The following PKN2 variants were observed in gnomAD, a reference collection of about 807,000 sequenced individuals.
PKN2 encodes protein kinase N2.
A neutral mutation model predicts 119.1 loss-of-function variants in PKN2; 38 were observed. The ratio of observed to expected loss-of-function variants is 0.32; its 90% CI spans 0.25 to 0.42. The LOEUF (loss-of-function observed/expected upper bound fraction) is 0.42, where lower values mean the gene tolerates loss of function less well. Ranked by LOEUF, PKN2 falls within the 10% of genes least tolerant of loss-of-function variation. The probability of loss-of-function intolerance (pLI) is 1.00; values close to 1 mark genes in which losing one functional copy is unlikely to be tolerated. For synonymous variants in PKN2, 390 were observed against 384.9 expected (o/e 1.01, Z -0.15); for missense variants, 850 against 1,165.1 (o/e 0.73, Z 3.94).
At chr1:88,717,955 A>G (rs548894021) in intron 1 of PKN2, among the ~76,000 whole-genome samples, 2 of 152,012 alleles carry the variant, frequency 1.3e-5, no homozygotes, top group Non-Finnish European at 2.9e-5. Flanking sequence ...GTCTTTGATG[A>G]TGGTGACCTA....
intron 1 of PKN2, among the ~76,000 whole-genome samples, chr1:88,739,224 G>C (rs1319843300): frequency 6.6e-6 from 1 of 151,988 alleles, no homozygotes. Context: ...TGTAAACCCA[G>C]CACTTTGGGA....
Position 88,833,077 on chromosome 1 carries a change from C to A in PKN2, c.2671C>A (p.Leu891Met). Residue 891 changes from leucine to methionine, a missense_variant and splice_region_variant, in exon 21 of 22, where the codon CTG (leucine) becomes ATG (methionine). Physicochemically the swap from Leu to Met is conservative, Grantham distance 15. Coordinates refer to ENST00000370521, the MANE Select transcript of PKN2 (RefSeq NM_006256.4). ...ACTTTTTTATTTTACATTATGCTAGCTGTTAAGAAGAAATCCTGAACGGCG... is the reference window on the plus strand; with the variant it reads ...ACTTTTTTATTTTACATTATGCTAGATGTTAAGAAGAAATCCTGAACGGCG... ...STEAISIMRRLLRRNPERRLG... is the reference protein window; with the variant it reads ...STEAISIMRRMLRRNPERRLG... 3.1e-6 allele frequency: 5 copies of A among 1,607,920 alleles called. No homozygotes were observed. The highest frequency in any genetic ancestry group is 4.2e-6 in the Non-Finnish European group (5 of 1,176,668).
intron 3 of PKN2, among the ~76,000 whole-genome samples, chr1:88,763,493 G>A (rs577421601): frequency 7.3e-5 from 11 of 151,702 alleles, no homozygotes; most frequent in Admixed American, 7.2e-4. Flanking sequence ...TGTAATCCCA[G>A]CTACTTGGGA....
At chr1:88,717,886 A>C (rs1667519830) in intron 1 of PKN2, among the ~76,000 whole-genome samples, 1 of 152,130 alleles carries the variant, frequency 6.6e-6, no homozygotes, top group Non-Finnish European at 1.5e-5. Flanking sequence ...TCTGGTTTTT[A>C]GAATTTTCAG....
chr1:88,733,024 G>A (rs779087385), intron 1 of PKN2, among the ~76,000 whole-genome samples: 5 of 152,100 alleles, frequency 3.3e-5, no homozygotes, highest in Non-Finnish European at 7.4e-5. Flanking sequence ...GGGTAGGGAA[G>A]GATGGGTTAA....
chr1:88,783,039 C>G (rs910241323), intron 6 of PKN2, among the ~76,000 whole-genome samples: 3 of 152,182 alleles, frequency 2.0e-5, no homozygotes, highest in Non-Finnish European at 4.4e-5. Flanking sequence ...CAAGACTCTT[C>G]TGGATATTTT....
At chr1:88,827,976 C>T (rs982748351) in intron 18 of PKN2, among the ~76,000 whole-genome samples, 1 of 151,932 alleles carries the variant, frequency 6.6e-6, no homozygotes, top group African/African-American at 2.4e-5. Flanking sequence ...CCACCCGCCT[C>T]GGCCTCCCAA....
chr1:88,740,095 A>T (rs890625167), intron 1 of PKN2, among the ~76,000 whole-genome samples: 1 of 152,126 alleles, frequency 6.6e-6, no homozygotes, highest in Non-Finnish European at 1.5e-5. Flanking sequence ...ATAACTAGAG[A>T]TTAAAGTATG....
At chr1:88,762,195 C>G (rs1425598941) in intron 3 of PKN2, among the ~76,000 whole-genome samples, 1 of 152,194 alleles carries the variant, frequency 6.6e-6, no homozygotes, top group African/African-American at 2.4e-5. Flanking sequence ...CTAAGTTGAA[C>G]AGAGTTATGG....
chr1:88,784,682 G>T lies in PKN2; in HGVS notation c.1029G>T (p.Glu343Asp). 2 of 1,604,536 alleles carry T rather than the reference G, an allele frequency of 1.2e-6. No individual in the cohort carries two copies. Among genetic ancestry groups the T allele is most frequent in the African/African-American group, 2.7e-5 (2 of 74,420 alleles). Residue 343 changes from glutamate to aspartate, a missense_variant, in exon 7 of 22, where the codon GAG becomes GAT. Glu to Asp is a conservative substitution (Grantham distance 45). Around this residue, in one of 9 missense-constraint regions of PKN2, gnomAD observed 350 missense variants for 511.1 expected, o/e 0.68. Coordinates refer to ENST00000370521, the MANE Select transcript of PKN2 (RefSeq NM_006256.4). ...VRLMGCQDILENVPGRSKATS... is the reference protein window; with the variant it reads ...VRLMGCQDILDNVPGRSKATS... Reference sequence around the variant, plus strand: ...TTATGGGCTGCCAAGATATCCTAGAGAATGTCCCTGGACGGTCAAAAGCAA... The same window carrying T: ...TTATGGGCTGCCAAGATATCCTAGATAATGTCCCTGGACGGTCAAAAGCAA...
intron 2 of PKN2, among the ~76,000 whole-genome samples, chr1:88,744,171 T>C (rs1668679488): frequency 6.6e-6 from 1 of 152,184 alleles, no homozygotes; most frequent in Admixed American, 6.5e-5. Flanking sequence ...TTTAGATGTT[T>C]TACCTTGCAC....
intron 2 of PKN2, among the ~76,000 whole-genome samples, chr1:88,745,693 C>T (rs1035130816): frequency 1.3e-5 from 2 of 151,992 alleles, no homozygotes; most frequent in Non-Finnish European, 1.5e-5. Context: ...CAAGGTAATT[C>T]GTATCAAAAT....
At position 88,805,590 on chromosome 1, in the gene PKN2, G is replaced by T. The variant is rs1671503620; in HGVS notation, c.1595G>T (p.Gly532Val). The T allele has an allele frequency of 6.2e-7, 1 of 1,613,936 alleles. No individual in the cohort carries two copies. The highest frequency in any genetic ancestry group is 8.5e-7 in the Non-Finnish European group (1 of 1,179,972). ...RRAIPTVNHS[G>V]TFSPQAPVPT... ...GCTATTCCTACAGTAAATCATTCTG[G>T]CACCTTCAGCCCTCAAGCTCCTGTG... Residue 532 changes from glycine to valine, a missense_variant, in exon 11 of 22, where the codon GGC (glycine) becomes GTC (valine). Physicochemically the swap from Gly to Val is moderately radical, Grantham distance 109. This residue lies in a region of PKN2 where 216 missense variants were observed against 252.8 expected (regional missense o/e 0.85). Transcript: ENST00000370521.
At chr1:88,805,169 A>G (rs979563761) in intron 10 of PKN2, among the ~76,000 whole-genome samples, 2 of 152,136 alleles carry the variant, frequency 1.3e-5, no homozygotes, top group African/African-American at 2.4e-5. Flanking sequence ...TCCTCTCACT[A>G]CTTTCTCAAA....
chr1:88,734,666 G>A (rs1668269078), intron 1 of PKN2, among the ~76,000 whole-genome samples: 1 of 151,976 alleles, frequency 6.6e-6, no homozygotes, highest in Non-Finnish European at 1.5e-5. Flanking sequence ...AGATTACTTT[G>A]GCTATTTATG....
intron 1 of PKN2, among the ~76,000 whole-genome samples, chr1:88,709,659 T>A (rs1667144437): frequency 6.6e-6 from 1 of 152,192 alleles, no homozygotes; most frequent in African/African-American, 2.4e-5. Flanking sequence ...AATATACAGG[T>A]TAAGAAAATT....
chr1:88,698,008 T>C lies in PKN2; in HGVS notation c.48+13380T>C, dbSNP rs576551531. ...GCTTAAAATCTTTGAAGGAAAGGACTATATTTTTAATCTTCATCATTTACC... is the reference window on the plus strand; with the variant it reads ...GCTTAAAATCTTTGAAGGAAAGGACCATATTTTTAATCTTCATCATTTACC... On this transcript the variant is annotated intron_variant, in intron 1 of 21. Coordinates refer to ENST00000370521, the MANE Select transcript of PKN2 (RefSeq NM_006256.4). 7.2e-5 allele frequency among the ~76,000 whole-genome samples: 11 copies of C among 152,362 alleles called. No homozygotes were observed. The South Asian group carries it at 2.1e-3, about 29-fold the overall frequency.
rs1672920747 is a variant in PKN2, at chr1:88,835,775, A to T, written c.*2327A>T. On this transcript the variant is annotated 3_prime_UTR_variant, in exon 22 of 22. Coordinates refer to ENST00000370521, the MANE Select transcript of PKN2 (RefSeq NM_006256.4). ...AGTCATAAATTATCACAAATGCACA[A>T]ATTAAAGTCTATATAGATTGAAATT... 1 of 152,372 alleles carries T rather than the reference A, an allele frequency of 6.6e-6. No homozygotes were observed. The highest frequency in any genetic ancestry group is 2.1e-4 in the South Asian group (1 of 4,832). The allele number at this position is 152,372 out of a possible 1,614,324, so 9.4% of individuals were successfully genotyped here.
chr1:88,778,850 A>G (rs1670212629), intron 6 of PKN2, among the ~76,000 whole-genome samples: 1 of 152,022 alleles, frequency 6.6e-6, no homozygotes. Context: ...AGTAGCTGGG[A>G]CTACAGGCGC....
Sources: gnomAD v4.1 joint callset for allele counts (sites outside exome capture counted in the v4.1 genomes callset) on GRCh38, gnomAD v4.1.1 for gene constraint, gnomAD v4.1.1 regional missense constraint, MANE v1.5 for transcripts, NCBI Gene and HGNC (gene_info 2026-07-23, HGNC 2026-07-21) for gene names.